SUGCT: variants seen among roughly 807,000 people sequenced by gnomAD.
The protein encoded by SUGCT is succinyl-CoA:glutarate-CoA transferase.
SUGCT carries 41 observed loss-of-function variants against 55.0 expected under a neutral mutation model. The observed-to-expected ratio is 0.74, with a 90% confidence interval of 0.58 to 0.97. SUGCT has a LOEUF of 0.97. SUGCT is among the 50% of genes least tolerant of loss of function. The pLI is 0.00. For missense variants in SUGCT, 568 were observed against 547.8 expected, an observed-to-expected ratio of 1.04 and a Z score of -0.37; for synonymous variants, 187 against 200.4, an observed-to-expected ratio of 0.93 and a Z score of 0.56.
At chr7:40,137,665 ACT>A (rs1787767008) in intron 1 of SUGCT, among the ~76,000 whole-genome samples, 1 of 151,392 alleles carries the variant, frequency 6.6e-6, no homozygotes, top group Admixed American at 6.6e-5. Context: ...ATAGCAGTAT[ACT>A]CTCTCTATAT....
At chr7:40,236,258 G>C (rs1416571647) in intron 6 of SUGCT, among the ~76,000 whole-genome samples, 2 of 151,564 alleles carry the variant, frequency 1.3e-5, no homozygotes, top group Non-Finnish European at 2.9e-5. Flanking sequence ...GGGTTTCACT[G>C]TGTTGGCCAG....
chr7:40,900,272 C>T, the SUGCT span, among the ~76,000 whole-genome samples: 4 of 152,216 alleles, frequency 2.6e-5, no homozygotes, highest in African/African-American at 7.2e-5. Flanking sequence ...CTATTTCTTT[C>T]CCTCTGGCTC....
At chr7:40,237,421 T>C (rs1433859247) in intron 6 of SUGCT, among the ~76,000 whole-genome samples, 1 of 151,916 alleles carries the variant, frequency 6.6e-6, no homozygotes, top group South Asian at 2.1e-4. Context: ...TCCACCCTGC[T>C]CGACGGGAAC....
chr7:40,254,684 C>T (rs371156777), intron 7 of SUGCT, among the ~76,000 whole-genome samples: 2 of 151,588 alleles, frequency 1.3e-5, no homozygotes, highest in Non-Finnish European at 2.9e-5. Context: ...TGTCAGCCAC[C>T]GCACCCAGCC....
chr7:40,214,639 G>A (rs1787519108), intron 6 of SUGCT, among the ~76,000 whole-genome samples: 1 of 152,118 alleles, frequency 6.6e-6, no homozygotes, highest in Non-Finnish European at 1.5e-5. Context: ...TTATGGGCTG[G>A]GCATGGTGGC....
At chr7:40,360,125 T>C (rs1798077485) in intron 9 of SUGCT, among the ~76,000 whole-genome samples, 1 of 152,168 alleles carries the variant, frequency 6.6e-6, no homozygotes, top group South Asian at 2.1e-4. Flanking sequence ...GTGATTCTCC[T>C]GCCTCAGCCT....
chr7:40,565,074 T>A (rs1233535332), intron 12 of SUGCT, among the ~76,000 whole-genome samples: 1 of 152,202 alleles, frequency 6.6e-6, no homozygotes, highest in Non-Finnish European at 1.5e-5. Context: ...AAAAATATGT[T>A]GTGGATGTGG....
At chr7:40,771,388 A>G (rs1464904638) in intron 13 of SUGCT, among the ~76,000 whole-genome samples, 1 of 152,200 alleles carries the variant, frequency 6.6e-6, no homozygotes, top group Non-Finnish European at 1.5e-5. Flanking sequence ...TGAATTATAA[A>G]GTCTATCAAG....
intron 9 of SUGCT, among the ~76,000 whole-genome samples, chr7:40,412,701 G>A (rs1786762778): frequency 6.6e-6 from 1 of 151,880 alleles, no homozygotes; most frequent in Non-Finnish European, 1.5e-5. Context: ...TGCAATGTTG[G>A]TTCTGACCTT....
At position 40,381,389 on chromosome 7, in the gene SUGCT, C is replaced by T. The variant is rs557950999; in HGVS notation, c.816+64534C>T. 8.5e-5 allele frequency among the ~76,000 whole-genome samples: 13 copies of T among 152,126 alleles called. No individual in the cohort carries two copies. The South Asian group carries it at 1.0e-3, about 12-fold the overall frequency. ...TTAGATTTTCTTTGCCCATGTCTCA[C>T]AGTACGTTGTTCTTTTGTTCACATG... On this transcript the variant is annotated intron_variant, in intron 9 of 13. Transcript: ENST00000335693.
At chr7:40,749,652 A>G (rs1787907804) in intron 13 of SUGCT, among the ~76,000 whole-genome samples, 155 bp downstream of exon 13, 1 of 152,230 alleles carries the variant, frequency 6.6e-6, no homozygotes, top group Non-Finnish European at 1.5e-5. Flanking sequence ...GACTGCACTC[A>G]CAAAAATGTA....
Position 40,486,894 on chromosome 7 carries a change from CT to C in SUGCT, c.987-9380del, listed in dbSNP as rs1000269256. Among the ~76,000 whole-genome samples the C allele has an allele frequency of 8.8e-5, 13 of 148,196 alleles. 1 individual carries two copies. The highest frequency in any genetic ancestry group is 3.9e-4 in the East Asian group (2 of 5,122). On this transcript the variant is annotated intron_variant, in intron 11 of 13. Transcript: ENST00000335693. The stretch of plus-strand genomic sequence containing the variant: ...TACAAATTCTACCACACCTGGCTAA[CT>C]TTTTTTTTTCTGTAGAAATAGGGTC...
intron 9 of SUGCT, among the ~76,000 whole-genome samples, chr7:40,371,958 AC>A: frequency 6.6e-6 from 1 of 152,060 alleles, no homozygotes; most frequent in South Asian, 2.1e-4. Flanking sequence ...ACACACACAC[AC>A]ACACACACAC....
chr7:40,609,618 T>C (rs1798683657), intron 12 of SUGCT, among the ~76,000 whole-genome samples: 1 of 152,010 alleles, frequency 6.6e-6, no homozygotes, highest in South Asian at 2.1e-4. Flanking sequence ...TTTCTTAACT[T>C]TTGTTTACAT....
intron 9 of SUGCT, among the ~76,000 whole-genome samples, chr7:40,328,930 C>T (rs1796159471): frequency 6.6e-6 from 1 of 152,176 alleles, no homozygotes; most frequent in African/African-American, 2.4e-5. Flanking sequence ...GGCATAGCTC[C>T]TCTTTGAAGG....
chr7:40,467,204 G>GAA (rs762283927), intron 11 of SUGCT, among the ~76,000 whole-genome samples: 1,159 of 83,598 alleles, frequency 0.014, 25 homozygotes, highest in African/African-American at 0.042. Context: ...CTAAGAAAAA[G>GAA]AAAAAAAAAA....
chr7:40,615,801 T>C (rs991996940), intron 12 of SUGCT, among the ~76,000 whole-genome samples: 3 of 152,194 alleles, frequency 2.0e-5, no homozygotes, highest in African/African-American at 7.2e-5. Flanking sequence ...TTTTAAGAAA[T>C]GGGGCTTCCC....
intron 12 of SUGCT, among the ~76,000 whole-genome samples, chr7:40,670,773 CA>C (rs1801901675): frequency 6.6e-6 from 1 of 151,752 alleles, no homozygotes; most frequent in Non-Finnish European, 1.5e-5. Flanking sequence ...AAATTGAGGT[CA>C]AAATTTTAAA....
chr7:40,179,317 C>T (rs548764309), intron 1 of SUGCT, among the ~76,000 whole-genome samples: 6 of 149,716 alleles, frequency 4.0e-5, no homozygotes, highest in Non-Finnish European at 8.9e-5. Flanking sequence ...TTTTTTAAGA[C>T]AGTTTTGCTT....
Sources: gnomAD v4.1 joint callset for allele counts (sites outside exome capture counted in the v4.1 genomes callset) on GRCh38, gnomAD v4.1.1 for gene constraint, MANE v1.5 for transcripts, NCBI Gene and HGNC (gene_info 2026-07-23, HGNC 2026-07-21) for gene names.